ITGA9: variants seen among roughly 807,000 people sequenced by gnomAD.
ITGA9 encodes integrin alpha-9.
ITGA9 carries 56 observed loss-of-function variants against 127.8 expected under a neutral mutation model. That is an observed-to-expected ratio of 0.44 (90% confidence interval 0.35 to 0.55). The LOEUF (loss-of-function observed/expected upper bound fraction) is 0.55, where lower values mean the gene tolerates loss of function less well. ITGA9 is among the 20% of genes least tolerant of loss of function. The pLI is 0.00. For missense variants in ITGA9, 1,196 were observed against 1,347.1 expected (o/e 0.89, Z 1.76); for synonymous variants, 508 against 514.5 (o/e 0.99, Z 0.17).
intron 3 of ITGA9, 44 bp downstream of exon 3, chr3:37,473,504 G>A: frequency 7.1e-7 from 1 of 1,404,146 alleles, no homozygotes; most frequent in Non-Finnish European, 1.0e-6. Flanking sequence ...GTGGCACTCT[G>A]AGAATGAATG....
intron 18 of ITGA9, among the ~76,000 whole-genome samples, chr3:37,728,752 G>A (rs944145964): frequency 6.6e-6 from 1 of 151,832 alleles, no homozygotes; most frequent in African/African-American, 2.4e-5. Flanking sequence ...AGTGGTTCTC[G>A]GTGCCAGCAG....
intron 18 of ITGA9, among the ~76,000 whole-genome samples, chr3:37,697,684 C>T (rs1329868887): frequency 1.3e-5 from 2 of 152,156 alleles, no homozygotes; most frequent in African/African-American, 2.4e-5. Flanking sequence ...TTTATGGCTA[C>T]ATAGTATTCC....
intron 26 of ITGA9, among the ~76,000 whole-genome samples, chr3:37,786,783 C>T (rs1245637690): frequency 6.6e-6 from 1 of 152,136 alleles, no homozygotes; most frequent in Non-Finnish European, 1.5e-5. Flanking sequence ...AATGAGTGTT[C>T]CATGCAGACT....
Position 37,613,935 on chromosome 3 carries a change from G to A in ITGA9, c.1690-15252G>A, listed in dbSNP as rs1331730585. On this transcript the variant is annotated intron_variant, in intron 15 of 27. Transcript: ENST00000264741. Reference sequence around the variant, plus strand: ...AGGTTGCCTGTTCACTCTGATGGTAGTTTCTTTTGCTGTGCAGAAGCTCTT... The same window carrying A: ...AGGTTGCCTGTTCACTCTGATGGTAATTTCTTTTGCTGTGCAGAAGCTCTT... Among the ~76,000 whole-genome samples the A allele has an allele frequency of 7.2e-5, 11 of 152,314 alleles. No individual in the cohort carries two copies. In the East Asian group the frequency reaches 2.1e-3, roughly 29 times the overall value.
At chr3:37,466,448 C>T (rs988680716) in intron 1 of ITGA9, among the ~76,000 whole-genome samples, 3 of 128,094 alleles carry the variant, frequency 2.3e-5, no homozygotes, top group African/African-American at 6.0e-5. Flanking sequence ...CGCCGCACTG[C>T]ACTCCAGCCT....
intron 22 of ITGA9, chr3:37,748,936 G>A: frequency 4.6e-6 from 3 of 657,548 alleles, no homozygotes; most frequent in Non-Finnish European, 2.7e-6. Flanking sequence ...CCTCTGGACT[G>A]TTTAAAAAAA....
intron 26 of ITGA9, among the ~76,000 whole-genome samples, chr3:37,786,337 G>A (rs1344088412): frequency 2.0e-5 from 3 of 152,186 alleles, no homozygotes; most frequent in South Asian, 2.1e-4. Flanking sequence ...CAAGACCCTG[G>A]TTGGGAAAGT....
chr3:37,643,750 A>G (rs1575178317), intron 16 of ITGA9, among the ~76,000 whole-genome samples: 1 of 152,170 alleles, frequency 6.6e-6, no homozygotes, highest in Admixed American at 6.5e-5. Context: ...TAGGAAATCA[A>G]GTACAAGGCC....
At chr3:37,482,485 G>T (rs1449132994) in intron 4 of ITGA9, among the ~76,000 whole-genome samples, 1 of 152,116 alleles carries the variant, frequency 6.6e-6, no homozygotes, top group African/African-American at 2.4e-5. Flanking sequence ...CCTAATTTTG[G>T]GTAAGCTGGA....
At chr3:37,542,957 C>T (rs1699289320) in intron 15 of ITGA9, among the ~76,000 whole-genome samples, 1 of 152,020 alleles carries the variant, frequency 6.6e-6, no homozygotes, top group Non-Finnish European at 1.5e-5. Flanking sequence ...CACACTGCAC[C>T]TGATGCCTTT....
At chr3:37,573,010 A>G (rs900987088) in intron 15 of ITGA9, 2 of 152,184 alleles carry the variant, frequency 1.3e-5, no homozygotes, top group African/African-American at 4.8e-5. Context: ...AAACTGTCCC[A>G]TTTAATCCCT....
chr3:37,715,836 G>A (rs894859513), intron 18 of ITGA9, among the ~76,000 whole-genome samples: 2 of 152,182 alleles, frequency 1.3e-5, no homozygotes, highest in Admixed American at 6.5e-5. Context: ...GGAGAAGAGG[G>A]GGACTAGATG....
intron 15 of ITGA9, among the ~76,000 whole-genome samples, chr3:37,549,326 G>C (rs1699358317): frequency 6.6e-6 from 1 of 152,192 alleles, no homozygotes; most frequent in African/African-American, 2.4e-5. Flanking sequence ...GCAAAGGAAG[G>C]CACAAAAATT....
At chr3:37,696,134 A>C (rs1253157440) in intron 18 of ITGA9, among the ~76,000 whole-genome samples, 2 of 152,186 alleles carry the variant, frequency 1.3e-5, no homozygotes, top group Non-Finnish European at 2.9e-5. Context: ...ACCATGCCAC[A>C]AGGTGGGGTG....
chr3:37,700,268 GC>G (rs1285281646), intron 18 of ITGA9, among the ~76,000 whole-genome samples: 1 of 152,122 alleles, frequency 6.6e-6, no homozygotes, highest in Non-Finnish European at 1.5e-5. Context: ...ACAGGTGTGA[GC>G]CACTGCACCT....
At chr3:37,569,035 T>C (rs892639302) in intron 15 of ITGA9, among the ~76,000 whole-genome samples, 17 of 152,214 alleles carry the variant, frequency 1.1e-4, no homozygotes, top group African/African-American at 4.1e-4. Context: ...CCACTCCTGG[T>C]ACCAATTTAC....
chr3:37,453,579 C>T (rs933340281), intron 1 of ITGA9, among the ~76,000 whole-genome samples: 1 of 152,138 alleles, frequency 6.6e-6, no homozygotes, highest in Non-Finnish European at 1.5e-5. Flanking sequence ...CGTTCAAGGT[C>T]GTGCCTCATG....
chr3:37,498,834 G>T (rs1209829560), intron 5 of ITGA9, among the ~76,000 whole-genome samples: 1 of 152,204 alleles, frequency 6.6e-6, no homozygotes, highest in African/African-American at 2.4e-5. Flanking sequence ...CTCACTGCCT[G>T]CCTTGTTTCT....
chr3:37,718,297 A>G (rs1289680033), intron 18 of ITGA9, among the ~76,000 whole-genome samples: 1 of 152,220 alleles, frequency 6.6e-6, no homozygotes, highest in Non-Finnish European at 1.5e-5. Flanking sequence ...TTCCTCTGGG[A>G]GCACAGCAGG....
Sources: gnomAD v4.1 joint callset for allele counts (sites outside exome capture counted in the v4.1 genomes callset) on GRCh38, gnomAD v4.1.1 for gene constraint, MANE v1.5 for transcripts, NCBI Gene and HGNC (gene_info 2026-07-23, HGNC 2026-07-21) for gene names.